The following DNER variants were observed in gnomAD, a reference collection of about 807,000 sequenced individuals.
The protein encoded by DNER is delta and Notch-like epidermal growth factor-related receptor.
A neutral mutation model predicts 78.2 loss-of-function variants in DNER; 33 were observed. That is an observed-to-expected ratio of 0.42 (90% CI 0.32 to 0.56). DNER has a LOEUF of 0.56. Among genes scored for constraint, DNER ranks in the 20% least tolerant of loss-of-function variants. DNER has a pLI of 0.11. For missense variants in DNER, 918 were observed against 975.3 expected (o/e 0.94, Z 0.78); for synonymous variants, 417 against 384.8 (o/e 1.08, Z -0.98).
chr2:229,541,134 C>A (rs1178904949), intron 5 of DNER, among the ~76,000 whole-genome samples: 1 of 152,184 alleles, frequency 6.6e-6, no homozygotes, highest in African/African-American at 2.4e-5. Context: ...AGATGAGAAG[C>A]ATTTTTCTGA....
At chr2:229,673,022 C>T (rs768141141) in intron 1 of DNER, among the ~76,000 whole-genome samples, 9 of 152,136 alleles carry the variant, frequency 5.9e-5, no homozygotes, top group Non-Finnish European at 1.2e-4. Flanking sequence ...GGAAGACCCA[C>T]GCACACTGTT....
rs545347494 is a variant in DNER, at chr2:229,540,185, G to GA, written c.993+6761dup. Among the ~76,000 whole-genome samples the GA allele has an allele frequency of 8.5e-5, 13 of 152,286 alleles. 1 individual carries two copies. The South Asian group carries it at 2.7e-3, about 32-fold the overall frequency. On this transcript the variant is annotated intron_variant, in intron 5 of 12. Transcript: ENST00000341772. Reference sequence around the variant, plus strand: ...AGCAGGAAGATTTTGAGCTGAGCCTGAAAAATAGTTGGGGAGGTGGAAGGG... The same window carrying GA: ...AGCAGGAAGATTTTGAGCTGAGCCTGAAAAAATAGTTGGGGAGGTGGAAGGG...
intron 1 of DNER, among the ~76,000 whole-genome samples, chr2:229,676,691 G>A (rs374689016): frequency 4.6e-5 from 7 of 152,268 alleles, no homozygotes; most frequent in African/African-American, 1.7e-4. Context: ...TGTCTCCCAA[G>A]GAGAACTCTG....
At chr2:229,633,529 TAA>T (rs1698475124) in intron 1 of DNER, among the ~76,000 whole-genome samples, 1 of 152,208 alleles carries the variant, frequency 6.6e-6, no homozygotes, top group Non-Finnish European at 1.5e-5. Context: ...TTAGAAAATC[TAA>T]AATGAATCCA....
At chr2:229,709,369 C>A (rs1265363275) in intron 1 of DNER, among the ~76,000 whole-genome samples, 2 of 152,116 alleles carry the variant, frequency 1.3e-5, no homozygotes, top group African/African-American at 4.8e-5. Context: ...CAATAATTAT[C>A]CCAAAGTCAC....
chr2:229,404,436 TCATGAGAACAG>T (rs2106342761), intron 10 of DNER, among the ~76,000 whole-genome samples: 1 of 152,298 alleles, frequency 6.6e-6, no homozygotes, highest in Non-Finnish European at 1.5e-5. Flanking sequence ...TCACTCACTA[TCATGAGAACAG>T]CATGAAGGAA....
At chr2:229,489,017 A>G (rs1244983267) in intron 6 of DNER, among the ~76,000 whole-genome samples, 1 of 152,250 alleles carries the variant, frequency 6.6e-6, no homozygotes, top group African/African-American at 2.4e-5. Context: ...CCCAATTTAC[A>G]GATAGACAGC....
At chr2:229,695,880 C>A (rs1699655607) in intron 1 of DNER, among the ~76,000 whole-genome samples, 1 of 152,136 alleles carries the variant, frequency 6.6e-6, no homozygotes, top group Non-Finnish European at 1.5e-5. Context: ...CTTCTCTGGG[C>A]CTCAAACTGT....
At position 229,448,473 on chromosome 2, in the gene DNER, T is replaced by C. The variant is rs1694386823; in HGVS notation, c.1262-933A>G. Among the ~76,000 whole-genome samples the C allele has an allele frequency of 2.0e-5, 3 of 152,366 alleles. No individual in the cohort carries two copies. The South Asian group carries it at 6.2e-4, about 32-fold the overall frequency. ...CTGCACAACTCTGTAAATTTACTAA[T>C]ATGCTTTGAACTGTACTTTCAAATG... On this transcript the variant is annotated intron_variant, in intron 7 of 12. Transcript: ENST00000341772.
At chr2:229,518,637 CATCAGAAAACTGA>C (rs1192376486) in intron 5 of DNER, among the ~76,000 whole-genome samples, 6 of 152,290 alleles carry the variant, frequency 3.9e-5, no homozygotes, top group Non-Finnish European at 8.8e-5. Context: ...CGAGTCCAAC[CATCAGAAAACTGA>C]ATCAGAAAAC....
intron 1 of DNER, among the ~76,000 whole-genome samples, chr2:229,671,609 A>G (rs181116181): frequency 1.4e-4 from 22 of 152,222 alleles, no homozygotes; most frequent in Admixed American, 9.2e-4. Context: ...CACAAAGCAC[A>G]GTGTCCACAA....
chr2:229,426,156 T>C (rs576202945), intron 8 of DNER, among the ~76,000 whole-genome samples: 3 of 151,964 alleles, frequency 2.0e-5, no homozygotes, highest in Admixed American at 2.0e-4. Flanking sequence ...GTTAAAGATA[T>C]GGGGGCCGGG....
In DNER at chr2:229,388,163, G is replaced by A. The variant is rs555994251; in HGVS notation, c.1855+102C>T. ...TCACTGCCTCATCTGCCAGTGACTC[G>A]GGGGCTTTCTGGTCACAGTCGGCAT... On this transcript the variant is annotated intron_variant, in intron 11 of 12. Transcript: ENST00000341772. The A allele has an allele frequency of 2.1e-4, 304 of 1,467,626 alleles. 1 individual carries two copies. The highest frequency in any genetic ancestry group is 2.5e-4 in the Non-Finnish European group (278 of 1,100,798). The allele number at this position is 1,467,626 out of a possible 1,614,324, so 90.9% of individuals were successfully genotyped here.
intron 7 of DNER, among the ~76,000 whole-genome samples, chr2:229,475,506 T>C (rs1695014104): frequency 6.6e-6 from 1 of 152,212 alleles, no homozygotes; most frequent in South Asian, 2.1e-4. Context: ...AAGCACCTAT[T>C]CCTGCATGTA....
intron 1 of DNER, among the ~76,000 whole-genome samples, chr2:229,660,928 C>T (rs1239709820): frequency 6.6e-6 from 1 of 152,122 alleles, no homozygotes; most frequent in Admixed American, 6.6e-5. Context: ...AAGATAATTA[C>T]ATTAAATGAA....
rs927901059 is a variant in DNER at position 229,528,324 on chromosome 2, C to T, written c.994-15388G>A. On this transcript the variant is annotated intron_variant, in intron 5 of 12. Coordinates refer to ENST00000341772, the MANE Select transcript of DNER (RefSeq NM_139072.4). ...AACTGATGGCTTCTTTTGTGGTTTG[C>T]GCATCACATGTGCCACCTTTTACTG... Among the ~76,000 whole-genome samples the T allele has an allele frequency of 4.6e-5, 7 of 152,168 alleles. No homozygotes were observed. The East Asian group carries it at 5.8e-4, about 13-fold the overall frequency.
chr2:229,588,286 C>A (rs927956141), intron 3 of DNER, 108 bp downstream of exon 3: 1 of 965,624 alleles, frequency 1.0e-6, no homozygotes, highest in Admixed American at 2.1e-5. Flanking sequence ...AATCTGTTCA[C>A]GATTCTCACT....
rs540491517 is a variant in DNER at position 229,638,136 on chromosome 2, A to G, written c.277-46248T>C. Among the ~76,000 whole-genome samples, 3 of 152,322 alleles carry G rather than the reference A, an allele frequency of 2.0e-5. No homozygotes were observed. In the East Asian group the frequency reaches 5.8e-4, roughly 29 times the overall value. ...TGGTTTATATATCAATTCTTCCCCA[A>G]CTGATTTATAGATTTCACGCAATCC... On this transcript the variant is annotated intron_variant, in intron 1 of 12. Coordinates refer to ENST00000341772, the MANE Select transcript of DNER (RefSeq NM_139072.4).
At chr2:229,529,082 A>G (rs115869509) in intron 5 of DNER, among the ~76,000 whole-genome samples, 1,855 of 152,342 alleles carry the variant, frequency 0.012, 42 homozygotes, top group African/African-American at 0.042. Flanking sequence ...GCTAATCTAA[A>G]TATGGAAGCC....
Sources: gnomAD v4.1 joint callset for allele counts (sites outside exome capture counted in the v4.1 genomes callset) on GRCh38, gnomAD v4.1.1 for gene constraint, MANE v1.5 for transcripts, NCBI Gene and HGNC (gene_info 2026-07-23, HGNC 2026-07-21) for gene names.